BIRC6: variants seen among roughly 807,000 people sequenced by gnomAD.
The protein encoded by BIRC6 is baculoviral IAP repeat containing 6, also known as dual E2 ubiquitin-conjugating enzyme/E3 ubiquitin-protein ligase BIRC6.
BIRC6 carries 98 observed loss-of-function variants against 503.3 expected under a neutral mutation model. The observed-to-expected ratio is 0.19, with a 90% confidence interval of 0.17 to 0.23. The LOEUF is 0.23. Among genes scored for constraint, BIRC6 ranks in the 10% least tolerant of loss-of-function variants. The probability of loss-of-function intolerance (pLI) is 1.00; values close to 1 mark genes in which losing one functional copy is unlikely to be tolerated. For missense variants in BIRC6, 5,360 were observed against 5,806.0 expected (o/e 0.92, Z 2.50); for synonymous variants, 2,240 against 2,078.7 (o/e 1.08, Z -2.11).
At chr2:32,362,461 GC>G (rs1278036128) in intron 1 of BIRC6, among the ~76,000 whole-genome samples, 1 of 151,538 alleles carries the variant, frequency 6.6e-6, no homozygotes, top group African/African-American at 2.4e-5. Context: ...GACTACAGGT[GC>G]CCCCCACCAG....
chr2:32,518,455 C>T lies in BIRC6; in HGVS notation c.11493+58C>T. Reference sequence around the variant, plus strand: ...ATACATGTATTTTACAATTTTGTATCAGAGCCTGCAGTTACCTCCTATGTT... The same window carrying T: ...ATACATGTATTTTACAATTTTGTATTAGAGCCTGCAGTTACCTCCTATGTT... On this transcript the variant is annotated intron_variant, in intron 56 of 73. Transcript: ENST00000421745. 5.3e-6 allele frequency: 8 copies of T among 1,522,878 alleles called. No homozygotes were observed. The South Asian group carries it at 6.1e-5, about 12-fold the overall frequency. The allele number at this position is 1,522,878 out of a possible 1,614,324, so 94.3% of individuals were successfully genotyped here. A position where few individuals can be genotyped will look rare whatever the true frequency, so the allele number is the denominator to read the frequency against.
At chr2:32,438,036 C>T (rs1182967433) in intron 15 of BIRC6, among the ~76,000 whole-genome samples, 2 of 152,174 alleles carry the variant, frequency 1.3e-5, no homozygotes, top group Non-Finnish European at 2.9e-5. Flanking sequence ...AAGGGATCCT[C>T]CTACCTTGGC....
intron 1 of BIRC6, among the ~76,000 whole-genome samples, chr2:32,361,342 C>T (rs796158157): frequency 1.3e-5 from 2 of 151,572 alleles, no homozygotes; most frequent in African/African-American, 4.8e-5. Flanking sequence ...CATTCCTTGA[C>T]TTTTTTTTTG....
intron 26 of BIRC6, among the ~76,000 whole-genome samples, chr2:32,466,937 G>A (rs1427910217): frequency 6.6e-6 from 1 of 152,000 alleles, no homozygotes; most frequent in Non-Finnish European, 1.5e-5. Flanking sequence ...GGCTAGCTTG[G>A]TGAAACCCTG....
In BIRC6 at chr2:32,524,956, G is replaced by A. The variant is rs2056126247; in HGVS notation, c.11692G>A (p.Glu3898Lys). 6.5e-7 allele frequency: 1 copy of A among 1,550,056 alleles called. No homozygotes were observed. The highest frequency in any genetic ancestry group is 8.7e-7 in the Non-Finnish European group (1 of 1,148,272). Residue 3898 changes from glutamate (E) to lysine (K), a missense_variant, in exon 58 of 74, where the codon GAG (glutamate) becomes AAG (lysine). Around this residue, in one of 16 missense-constraint regions of BIRC6, gnomAD observed 878 missense variants for 928.9 expected, o/e 0.95. Transcript: ENST00000421745. Reference sequence around the variant, plus strand: ...TGACAAAGAAAAGAAAAACCATGAAGAGAAAGAAAAAGTTAAAGCGGAAAA... The same window carrying A: ...TGACAAAGAAAAGAAAAACCATGAAAAGAAAGAAAAAGTTAAAGCGGAAAA... ...KDDKEKKNHE[E>K]KEKVKAENGF...
At chr2:32,391,050 A>C (rs1226320239) in intron 4 of BIRC6, among the ~76,000 whole-genome samples, 1 of 151,806 alleles carries the variant, frequency 6.6e-6, no homozygotes, top group African/African-American at 2.4e-5. Flanking sequence ...ATACGTAATT[A>C]GAACAAGTGC....
Position 32,552,883 on chromosome 2 carries a change from T to TTAA in BIRC6, c.13144+3402_13144+3403insTAA, listed in dbSNP as rs551461251. Among the ~76,000 whole-genome samples, 43 of 149,718 alleles carry TTAA rather than the reference T, an allele frequency of 2.9e-4. No homozygotes were observed. In the South Asian group the frequency reaches 8.5e-3, roughly 30 times the overall value. On this transcript the variant is annotated intron_variant, in intron 65 of 73. Coordinates refer to ENST00000421745, the MANE Select transcript of BIRC6 (RefSeq NM_016252.4). ...TTATATATTTATATATTTATATTTA[T>TTAA]GTTTACTTAATTATATATGTACTTA...
chr2:32,357,179 T>A lies in BIRC6; in HGVS notation c.18T>A (p.Gly6=), dbSNP rs756068606. 6.5e-7 allele frequency: 1 copy of A among 1,533,288 alleles called. No homozygotes were observed. Among genetic ancestry groups the A allele is most frequent in the Non-Finnish European group, 8.7e-7 (1 of 1,148,776 alleles). The allele number at this position is 1,533,288 out of a possible 1,614,324, so 95.0% of individuals were successfully genotyped here. A position where few individuals can be genotyped will look rare whatever the true frequency, so the allele number is the denominator to read the frequency against. MVTGG[G]AAPPGTVTEP... is the part of the protein sequence containing the mutation. Reference sequence around the variant, plus strand: ...GGCCCCGGATGGTGACTGGTGGTGGTGCTGCACCTCCCGGGACTGTCACTG... The same window carrying A: ...GGCCCCGGATGGTGACTGGTGGTGGAGCTGCACCTCCCGGGACTGTCACTG... Residue 6 remains glycine, a synonymous_variant, in exon 1 of 74, where the codon GGT becomes GGA. Transcript: ENST00000421745. This position sits in a 1 kb window ranked among gnomAD's most constrained non-coding sequence, Gnocchi z 4.9.
At chr2:32,454,015 A>G in intron 23 of BIRC6, 73 bp downstream of exon 23, 1 of 1,211,056 alleles carries the variant, frequency 8.3e-7, no homozygotes, top group Non-Finnish European at 1.1e-6. Context: ...ATATATTTAA[A>G]CATTATTTCT....
In BIRC6 at chr2:32,573,219, G is replaced by A. The variant is rs145591789; in HGVS notation, c.13145-1937G>A. 4.5e-4 allele frequency among the ~76,000 whole-genome samples: 68 copies of A among 152,208 alleles called. 1 individual carries two copies. In the East Asian group the frequency reaches 0.012, roughly 26 times the overall value. On this transcript the variant is annotated intron_variant, in intron 65 of 73. Coordinates refer to ENST00000421745, the MANE Select transcript of BIRC6 (RefSeq NM_016252.4). The stretch of plus-strand genomic sequence containing the variant: ...AAATGTTTTTTGTTTGTTTGTTTTT[G>A]AGACTGTCTTGCTCTGTCACCCAGG...
intron 22 of BIRC6, among the ~76,000 whole-genome samples, chr2:32,449,666 TATG>T (rs2046465244): frequency 6.6e-6 from 1 of 152,166 alleles, no homozygotes; most frequent in Non-Finnish European, 1.5e-5. Flanking sequence ...AAAAGTAACT[TATG>T]AGGTGTAATA....
chr2:32,518,373 A>G lies in BIRC6; in HGVS notation c.11469A>G (p.Thr3823=), dbSNP rs1431162489. The change falls in exon 56 of 74, where the codon ACA becomes ACG. Residue 3823 remains threonine (T), a synonymous_variant. Transcript: ENST00000421745. ...TGATGCTGGAAGATGAGAAAGTGACAATGTTTCTTCAGTCTCCATGTCCAG... is the reference window on the plus strand; with the variant it reads ...TGATGCTGGAAGATGAGAAAGTGACGATGTTTCTTCAGTCTCCATGTCCAG... ...LQLMLEDEKV[T]MFLQSPCPLY... 6.2e-7 allele frequency: 1 copy of G among 1,609,258 alleles called. No individual in the cohort carries two copies. Among genetic ancestry groups the G allele is most frequent in the East Asian group, 2.2e-5 (1 of 44,738 alleles).
intron 73 of BIRC6, among the ~76,000 whole-genome samples, chr2:32,613,080 G>C (rs146719308): frequency 1.6e-4 from 24 of 151,920 alleles, no homozygotes; most frequent in Admixed American, 3.3e-4. Context: ...CCTCCTCCAG[G>C]CCTTTACACA....
chr2:32,537,816 A>G (rs1572886532), intron 61 of BIRC6, among the ~76,000 whole-genome samples: 1 of 152,176 alleles, frequency 6.6e-6, no homozygotes, highest in East Asian at 1.9e-4. Flanking sequence ...AATACAAAAA[A>G]TTAGCCGGGC....
intron 33 of BIRC6, among the ~76,000 whole-genome samples, chr2:32,475,318 T>C (rs2049617676): frequency 1.3e-5 from 2 of 152,188 alleles, no homozygotes; most frequent in African/African-American, 2.4e-5. Flanking sequence ...GTGTACATGC[T>C]GTATGGAGAA....
intron 1 of BIRC6, among the ~76,000 whole-genome samples, chr2:32,363,623 GA>G (rs1267076237): frequency 6.6e-6 from 1 of 152,028 alleles, no homozygotes; most frequent in African/African-American, 2.4e-5. Context: ...GCTTTTTTGA[GA>G]TTATGTGGAG....
At chr2:32,578,949 T>A (rs1444526860) in intron 66 of BIRC6, among the ~76,000 whole-genome samples, 1 of 99,350 alleles carries the variant, frequency 1.0e-5, no homozygotes, top group Non-Finnish European at 2.1e-5. Flanking sequence ...GTAAGAGAAA[T>A]CGTAGTTTAC....
chr2:32,564,007 G>A (rs1447748082), intron 65 of BIRC6: 2 of 152,566 alleles, frequency 1.3e-5, no homozygotes, highest in African/African-American at 4.8e-5. Context: ...GAACCCGGGA[G>A]GCGGAGGTTG....
chr2:32,572,748 A>G (rs1224943216), intron 65 of BIRC6, among the ~76,000 whole-genome samples: 2 of 152,198 alleles, frequency 1.3e-5, no homozygotes, highest in African/African-American at 4.8e-5. Flanking sequence ...ACAAGGGGAA[A>G]CAAGGAAAGA....
Sources: allele counts gnomAD v4.1 joint callset (sites outside exome capture counted in the v4.1 genomes callset), GRCh38; gene constraint gnomAD v4.1.1; regional missense constraint gnomAD v4.1.1; non-coding constraint Gnocchi (gnomAD v3.1); transcripts MANE v1.5; gene names NCBI Gene and HGNC (gene_info 2026-07-23, HGNC 2026-07-21).